Variants in COPRS observed in about 807,000 individuals in gnomAD.
The protein encoded by COPRS is cooperator of PRMT5.
In COPRS, 11 loss-of-function variants were observed where a neutral mutation model predicts 19.9. That is an observed-to-expected ratio of 0.55 (90% CI 0.35 to 0.92). COPRS has a LOEUF of 0.92. COPRS is among the 40% of genes least tolerant of loss of function. COPRS has a pLI of 0.01. For missense variants in COPRS, 225 were observed against 229.9 expected (o/e 0.98, Z 0.14); for synonymous variants, 81 against 82.7 (o/e 0.98, Z 0.11).
rs1349690505 is a variant in COPRS at position 31,852,247 on chromosome 17, TG to T, written c.446del (p.Pro149HisfsTer5). The T allele has an allele frequency of 6.2e-7, 1 of 1,613,726 alleles. No homozygotes were observed. The highest frequency in any genetic ancestry group is 8.5e-7 in the Non-Finnish European group (1 of 1,179,834). The stretch of plus-strand genomic sequence containing the variant: ...TGGGGTCATAGATCATGTCTCCTTG[TG>T]GGGCACAGCACACCCAAGGTTTAAG... ...QELKPWVCCAPQGDMIYDPSW... is the reference protein window; with the variant it reads ...QELKPWVCCAXQGDMIYDPSW... On this transcript the variant is annotated frameshift_variant, in exon 4 of 4. Coordinates refer to ENST00000302362, the MANE Select transcript of COPRS (RefSeq NM_018405.4). LOFTEE classifies it high-confidence loss of function.
rs1598084831 is a variant in COPRS, at chr17:31,854,121, C to T, written c.167-1091G>A. ...CGGTAGCTCACCCTTGTAAACCTAG[C>T]ACTTTGGGAGGCCAAGGTGGGTGGA... On this transcript the variant is annotated intron_variant, in intron 2 of 3. Coordinates refer to ENST00000302362, the MANE Select transcript of COPRS (RefSeq NM_018405.4). 2.6e-5 allele frequency among the ~76,000 whole-genome samples: 4 copies of T among 152,070 alleles called. No individual in the cohort carries two copies. The South Asian group carries it at 8.3e-4, about 32-fold the overall frequency.
chr17:31,858,704 C>T, intron 1 of COPRS: 6 of 1,513,436 alleles, frequency 4.0e-6, no homozygotes, highest in Non-Finnish European at 5.4e-6. Flanking sequence ...TCCCCACCAA[C>T]GGACAGAGGT....
intron 1 of COPRS, chr17:31,858,406 C>T (rs1450761614): frequency 1.0e-6 from 1 of 985,292 alleles, no homozygotes. Context: ...CATCATTCAT[C>T]CAGTCGGTAT....
At position 31,859,082 on chromosome 17, in the gene COPRS, GC is replaced by G. The variant is rs1267234716; in HGVS notation, c.99+18del. 6 of 1,130,682 alleles carry G rather than the reference GC, an allele frequency of 5.3e-6. No homozygotes were observed. Among genetic ancestry groups the G allele is most frequent in the South Asian group, 7.5e-5 (2 of 26,780 alleles). 70.0% of individuals were successfully genotyped at this position (1,130,682 alleles called of 1,614,324 possible). ...AGGCTGCGGCTGGCTGTTGCTCCTG[GC>G]CCCCACGCGGCGCTCACCTCCGGGC... On this transcript the variant is annotated intron_variant, in intron 1 of 3. Transcript: ENST00000302362.
At chr17:31,855,443 T>C (rs1723113480) in intron 2 of COPRS, among the ~76,000 whole-genome samples, 1 of 150,446 alleles carries the variant, frequency 6.6e-6, no homozygotes, top group Non-Finnish European at 1.5e-5. Flanking sequence ...GGGGGCAGAG[T>C]TTGCAGTGAG....
intron 2 of COPRS, among the ~76,000 whole-genome samples, chr17:31,856,409 A>G (rs898356344): frequency 2.6e-5 from 4 of 152,090 alleles, no homozygotes; most frequent in Non-Finnish European, 5.9e-5. Flanking sequence ...CTATATTACT[A>G]TTGTTATTAA....
chr17:31,858,021 G>A (rs1909416309), intron 1 of COPRS, among the ~76,000 whole-genome samples: 1 of 152,060 alleles, frequency 6.6e-6, no homozygotes. Flanking sequence ...CACTGCCACG[G>A]CCTCCTAACC....
chr17:31,854,268 G>A lies in COPRS; in HGVS notation c.167-1238C>T, dbSNP rs1909253953. Among the ~76,000 whole-genome samples, 3 of 150,252 alleles carry A rather than the reference G, an allele frequency of 2.0e-5. No homozygotes were observed. The South Asian group carries it at 6.3e-4, about 32-fold the overall frequency. On this transcript the variant is annotated intron_variant, in intron 2 of 3. Transcript: ENST00000302362. ...ACCTGTAATCCCAGCTACTCAAGAGGCTGAGGTGGGAGGATCGCTTGAACC... is the reference window on the plus strand; with the variant it reads ...ACCTGTAATCCCAGCTACTCAAGAGACTGAGGTGGGAGGATCGCTTGAACC...
chr17:31,858,622 A>C, intron 1 of COPRS: 1 of 1,061,170 alleles, frequency 9.4e-7, no homozygotes, highest in Admixed American at 2.0e-5. Context: ...TGCGTCAAAC[A>C]GGGCCTTTCT....
At chr17:31,856,982 G>T (rs1909377742) in intron 1 of COPRS, 117 bp from the exon 2 acceptor site, 3 of 709,690 alleles carry the variant, frequency 4.2e-6, no homozygotes, top group Non-Finnish European at 7.5e-6. Context: ...TGCAGGGCTG[G>T]GACTCTGCCA....
At chr17:31,858,589 T>C (rs1395062241) in intron 1 of COPRS, among the ~76,000 whole-genome samples, 1 of 152,202 alleles carries the variant, frequency 6.6e-6, no homozygotes, top group African/African-American at 2.4e-5. Flanking sequence ...CTAGCTTACA[T>C]GAAAACAAGT....
chr17:31,852,750 G>A, intron 3 of COPRS, 62 bp downstream of exon 3: 1 of 1,201,782 alleles, frequency 8.3e-7, no homozygotes, highest in Non-Finnish European at 1.2e-6. Flanking sequence ...TGCCTTCAGG[G>A]CTGGTCTGAC....
intron 1 of COPRS, chr17:31,858,348 G>A: frequency 1.0e-6 from 1 of 984,906 alleles, no homozygotes; most frequent in Non-Finnish European, 1.2e-6. Flanking sequence ...CTTTGTAAGT[G>A]TCGCTGCATT....
rs1317592279 is a variant in COPRS at position 31,859,182 on chromosome 17, G to A, written c.18C>T (p.Ala6=). 30 of 1,060,688 alleles carry A rather than the reference G, an allele frequency of 2.8e-5. No homozygotes were observed. Among genetic ancestry groups the A allele is most frequent in the Middle Eastern group, 4.3e-4 (1 of 2,314 alleles). The allele number at this position is 1,060,688 out of a possible 1,614,324, so 65.7% of individuals were successfully genotyped here. A position where few individuals can be genotyped will look rare whatever the true frequency, so the allele number is the denominator to read the frequency against. The change falls in exon 1 of 4, where the codon GCC becomes GCT. Residue 6 remains alanine, a synonymous_variant. Coordinates refer to ENST00000302362, the MANE Select transcript of COPRS (RefSeq NM_018405.4). ...CCGCGGCCCCCTGCGCCTGGGCCCC[G>A]GCGGCCTGAAGGTCCATGCCCTGCG... The part of the protein sequence containing the change: MDLQA[A]GAQAQGAAEP...
chr17:31,857,661 C>A (rs560088664), intron 1 of COPRS, among the ~76,000 whole-genome samples: 1 of 152,236 alleles, frequency 6.6e-6, no homozygotes, highest in Admixed American at 6.5e-5. Flanking sequence ...CATAAAAGAC[C>A]TGATTTTGAT....
intron 2 of COPRS, among the ~76,000 whole-genome samples, chr17:31,856,299 T>C (rs1437412102): frequency 1.3e-5 from 2 of 151,872 alleles, no homozygotes; most frequent in East Asian, 1.9e-4. Context: ...CGTGCCACTG[T>C]ACTCCAGCCT....
Position 31,859,209 on chromosome 17 carries a change from C to G in COPRS, c.-10G>C. ...CGGCCTGAAGGTCCATGCCCTGCGGCCCGCGGCTGGTCGCCCTGGACGCCG... is the reference window on the plus strand; with the variant it reads ...CGGCCTGAAGGTCCATGCCCTGCGGGCCGCGGCTGGTCGCCCTGGACGCCG... On this transcript the variant is annotated 5_prime_UTR_variant, in exon 1 of 4. Coordinates refer to ENST00000302362, the MANE Select transcript of COPRS (RefSeq NM_018405.4). 9.6e-7 allele frequency: 1 copy of G among 1,043,646 alleles called. No homozygotes were observed. The highest frequency in any genetic ancestry group is 1.2e-6 in the Non-Finnish European group (1 of 865,408). 64.6% of individuals were successfully genotyped at this position (1,043,646 alleles called of 1,614,324 possible).
In COPRS at chr17:31,852,213, G is replaced by A. The variant is rs746600270; in HGVS notation, c.481C>T (p.His161Tyr). 6.2e-7 allele frequency: 1 copy of A among 1,614,106 alleles called. No homozygotes were observed. The highest frequency in any genetic ancestry group is 2.2e-5 in the East Asian group (1 of 44,878). Residue 161 changes from histidine (H) to tyrosine (Y), a missense_variant, in exon 4 of 4, where the codon CAT becomes TAT. Around this residue, in one of 3 missense-constraint regions of COPRS, gnomAD observed 170 missense variants for 171.4 expected, o/e 0.99. Coordinates refer to ENST00000302362, the MANE Select transcript of COPRS (RefSeq NM_018405.4). The part of the protein sequence containing the change: ...GDMIYDPSWH[H>Y]PPPLIPYYSK... ...TAATAGGGTATCAGTGGAGGCGGAT[G>A]GTGCCAGCTGGGGTCATAGATCATG...
intron 1 of COPRS, chr17:31,858,403 C>A (rs536880991): frequency 1.5e-5 from 15 of 985,304 alleles, no homozygotes; most frequent in Non-Finnish European, 1.8e-5. Flanking sequence ...AGGCATCATT[C>A]ATCCAGTCGG....
Sources: allele counts gnomAD v4.1 joint callset (sites outside exome capture counted in the v4.1 genomes callset), GRCh38; gene constraint gnomAD v4.1.1; regional missense constraint gnomAD v4.1.1; transcripts MANE v1.5; gene names NCBI Gene and HGNC (gene_info 2026-07-23, HGNC 2026-07-21).